The following CDH13 variants were observed in gnomAD, a reference collection of about 807,000 sequenced individuals.
The protein encoded by CDH13 is cadherin-13.
A neutral mutation model predicts 63.8 loss-of-function variants in CDH13; 24 were observed. The observed-to-expected ratio is 0.38, with a 90% CI of 0.27 to 0.53. The LOEUF (loss-of-function observed/expected upper bound fraction) is 0.53. Ranked by LOEUF, CDH13 falls within the 20% of genes least tolerant of loss-of-function variation. The pLI is 0.85. For synonymous variants in CDH13, 503 were observed against 355.3 expected (o/e 1.42, Z -4.67); for missense variants, 1,049 against 903.1 (o/e 1.16, Z -2.07).
At chr16:83,197,591 G>C (rs1177667704) in intron 4 of CDH13, among the ~76,000 whole-genome samples, 2 of 152,082 alleles carry the variant, frequency 1.3e-5, no homozygotes, top group African/African-American at 4.8e-5. Flanking sequence ...CAGATCAGTG[G>C]CTGCCAGAAT....
At chr16:82,894,292 A>G (rs1672694085) in intron 2 of CDH13, among the ~76,000 whole-genome samples, 1 of 152,212 alleles carries the variant, frequency 6.6e-6, no homozygotes, top group Non-Finnish European at 1.5e-5. Context: ...CCATGTTGGA[A>G]GAAAACAGAG....
At chr16:83,453,195 A>G (rs934562735) in intron 6 of CDH13, among the ~76,000 whole-genome samples, 1 of 152,068 alleles carries the variant, frequency 6.6e-6, no homozygotes, top group Non-Finnish European at 1.5e-5. Flanking sequence ...GGATTGTACA[A>G]TGGATTTTGG....
chr16:83,387,363 T>G (rs2091695502), intron 6 of CDH13, among the ~76,000 whole-genome samples: 1 of 152,168 alleles, frequency 6.6e-6, no homozygotes, highest in South Asian at 2.1e-4. Flanking sequence ...TCGGCTCACT[T>G]CTAGTTGTTT....
intron 1 of CDH13, among the ~76,000 whole-genome samples, chr16:82,690,194 A>G (rs997907847): frequency 6.8e-6 from 1 of 146,868 alleles, no homozygotes; most frequent in Non-Finnish European, 1.5e-5. Flanking sequence ...AAATCTTCTC[A>G]TGACCCCGGG....
At chr16:83,487,681 A>G (rs888829710) in intron 7 of CDH13, among the ~76,000 whole-genome samples, 5 of 152,148 alleles carry the variant, frequency 3.3e-5, no homozygotes, top group African/African-American at 4.8e-5. Context: ...TGCTCCTGAC[A>G]TCATCCCACA....
At chr16:82,672,582 C>A (rs778570064) in intron 1 of CDH13, among the ~76,000 whole-genome samples, 3 of 152,108 alleles carry the variant, frequency 2.0e-5, no homozygotes, top group Non-Finnish European at 2.9e-5. Flanking sequence ...ACCATATCAT[C>A]CCCTACTGCT....
chr16:82,814,937 G>A (rs1204647326), intron 1 of CDH13, among the ~76,000 whole-genome samples: 1 of 152,130 alleles, frequency 6.6e-6, no homozygotes, highest in Non-Finnish European at 1.5e-5. Context: ...ATGGCTTGAT[G>A]TATTGGGGAA....
chr16:83,701,324 A>G (rs1419199687), intron 10 of CDH13, among the ~76,000 whole-genome samples: 1 of 152,200 alleles, frequency 6.6e-6, no homozygotes, highest in Non-Finnish European at 1.5e-5. Context: ...AAGTCTGATG[A>G]TGGATGCAGC....
rs756096531 is a variant in CDH13 at position 83,166,105 on chromosome 16, T to C, written c.483+40604T>C. ...TAGCAGCAGGCAGTGATGCTGACAA[T>C]TTGCAGTTGGTGGCCAGGTTTTAAA... On this transcript the variant is annotated intron_variant, in intron 4 of 13. Coordinates refer to ENST00000567109, the MANE Select transcript of CDH13 (RefSeq NM_001257.5). Among the ~76,000 whole-genome samples, 13 of 152,240 alleles carry C rather than the reference T, an allele frequency of 8.5e-5. 1 individual carries two copies. The highest frequency in any genetic ancestry group is 1.6e-4 in the Non-Finnish European group (11 of 67,992).
intron 3 of CDH13, among the ~76,000 whole-genome samples, chr16:83,071,130 A>G (rs73598103): frequency 0.016 from 2,474 of 152,156 alleles, 50 homozygotes; most frequent in African/African-American, 0.056. Flanking sequence ...GCCTCATTTA[A>G]TTGCAAAGGG....
At chr16:82,627,520 C>T (rs939712500) in intron 1 of CDH13, among the ~76,000 whole-genome samples, 1 of 152,146 alleles carries the variant, frequency 6.6e-6, no homozygotes, top group Non-Finnish European at 1.5e-5. Flanking sequence ...CAGTTAGAGG[C>T]GACTCCAACG....
intron 4 of CDH13, among the ~76,000 whole-genome samples, chr16:83,146,218 AAAGG>A (rs1403951917): frequency 6.6e-6 from 1 of 151,274 alleles, no homozygotes; most frequent in Non-Finnish European, 1.5e-5. Flanking sequence ...AAAGAAAAGA[AAAGG>A]AAGGAGGGAA....
At chr16:82,758,942 C>T (rs903219725) in intron 1 of CDH13, among the ~76,000 whole-genome samples, 8 of 152,222 alleles carry the variant, frequency 5.3e-5, no homozygotes, top group Non-Finnish European at 1.2e-4. Context: ...CCATAATTCT[C>T]TTTCTGCTAG....
intron 2 of CDH13, among the ~76,000 whole-genome samples, chr16:83,030,402 T>C (rs1225150260): frequency 6.6e-6 from 1 of 152,016 alleles, no homozygotes; most frequent in South Asian, 2.1e-4. Flanking sequence ...CTCACGCCTG[T>C]AATCCCAGTT....
At chr16:83,521,078 T>C (rs940420215) in intron 7 of CDH13, among the ~76,000 whole-genome samples, 8 of 152,218 alleles carry the variant, frequency 5.3e-5, no homozygotes, top group Non-Finnish European at 1.0e-4. Context: ...ACATGCTCTC[T>C]TTTACTTCAG....
At chr16:82,830,517 C>A (rs1020388589) in intron 1 of CDH13, among the ~76,000 whole-genome samples, 1 of 152,108 alleles carries the variant, frequency 6.6e-6, no homozygotes, top group Non-Finnish European at 1.5e-5. Flanking sequence ...AAAAGAGGAT[C>A]TACAGTGTCG....
At chr16:83,757,476 C>T (rs1339974380) in intron 11 of CDH13, among the ~76,000 whole-genome samples, 1 of 151,988 alleles carries the variant, frequency 6.6e-6, no homozygotes, top group Non-Finnish European at 1.5e-5. Context: ...TACTTGGGAG[C>T]CTGAGGCAGG....
rs1344078236 is a variant in CDH13 at position 83,795,658 on chromosome 16, G to T, written c.*628G>T. 6.6e-6 allele frequency: 1 copy of T among 152,230 alleles called. No individual in the cohort carries two copies. The highest frequency in any genetic ancestry group is 2.4e-5 in the African/African-American group (1 of 41,430). 9.4% of individuals were successfully genotyped at this position (152,230 alleles called of 1,614,324 possible). On this transcript the variant is annotated 3_prime_UTR_variant, in exon 14 of 14. Transcript: ENST00000567109. ...CAGGTCCACAGAGAGGGAGAGCAGA[G>T]AAAGAAGTCCTTTCTCTTTATTGAG...
At chr16:82,635,207 A>G (rs1038350876) in intron 1 of CDH13, among the ~76,000 whole-genome samples, 10 of 152,254 alleles carry the variant, frequency 6.6e-5, no homozygotes, top group African/African-American at 2.4e-4. Context: ...CCTGGCACAT[A>G]GTACTCAGCA....
Sources: gnomAD v4.1 joint callset for allele counts (sites outside exome capture counted in the v4.1 genomes callset) on GRCh38, gnomAD v4.1.1 for gene constraint, MANE v1.5 for transcripts, NCBI Gene and HGNC (gene_info 2026-07-23, HGNC 2026-07-21) for gene names.